The following KRT24 variants were observed in gnomAD, a reference collection of about 807,000 sequenced individuals.
The protein encoded by KRT24 is keratin, type I cytoskeletal 24.
In KRT24, 44 loss-of-function variants were observed where a neutral mutation model predicts 51.7. The ratio of observed to expected loss-of-function variants is 0.85; its 90% confidence interval spans 0.67 to 1.09. KRT24 has a LOEUF of 1.09. KRT24 is among the 50% of genes least tolerant of loss of function. The pLI is 0.00. For synonymous variants in KRT24, 241 were observed against 249.5 expected (o/e 0.97, Z 0.32); for missense variants, 633 against 647.0 (o/e 0.98, Z 0.24).
chr17:40,699,624 G>C lies in KRT24; in HGVS notation c.1181C>G (p.Ala394Gly), dbSNP rs2037651134. 2 of 1,614,184 alleles carry C rather than the reference G, an allele frequency of 1.2e-6. No individual in the cohort carries two copies. The highest frequency in any genetic ancestry group is 1.3e-5 in the African/African-American group (1 of 75,044). Residue 394 changes from alanine (A) to glycine (G), a missense_variant, in exon 6 of 8, where the codon GCT becomes GGT. By Grantham distance (60) the Ala-to-Gly change is moderately conservative. Coordinates refer to ENST00000264651, the MANE Select transcript of KRT24 (RefSeq NM_019016.3). The part of the protein sequence containing the change: ...SLEGTLADTE[A>G]GYVAQLSEIQ... ...TTCTGACAGCTGAGCCACGTAGCCAGCTTCTGTGTCAGCCAGGGTTCCCTC... is the reference window on the plus strand; with the variant it reads ...TTCTGACAGCTGAGCCACGTAGCCACCTTCTGTGTCAGCCAGGGTTCCCTC...
Position 40,698,183 on chromosome 17 carries a change from G to T in KRT24, c.*54C>A. On this transcript the variant is annotated 3_prime_UTR_variant, in exon 8 of 8. Coordinates refer to ENST00000264651, the MANE Select transcript of KRT24 (RefSeq NM_019016.3). Reference sequence around the variant, plus strand: ...AGATTGATGCCATTTCTTCGCTTGTGTCCTTCTTGATTTTTTTTTCTTTGA... The same window carrying T: ...AGATTGATGCCATTTCTTCGCTTGTTTCCTTCTTGATTTTTTTTTCTTTGA... 9.1e-7 allele frequency: 1 copy of T among 1,103,938 alleles called. No homozygotes were observed. The highest frequency in any genetic ancestry group is 1.4e-6 in the Non-Finnish European group (1 of 721,272). 68.4% of individuals were successfully genotyped at this position (1,103,938 alleles called of 1,614,324 possible).
intron 6 of KRT24, 28 bp downstream of exon 6, chr17:40,699,415 AT>A: frequency 3.8e-6 from 6 of 1,577,844 alleles, no homozygotes; most frequent in Non-Finnish European, 5.2e-6. Flanking sequence ...TAAGGTATGC[AT>A]TTTAGTTTGT....
Position 40,698,607 on chromosome 17 carries a change from C to T in KRT24, c.1405G>A (p.Val469Ile), listed in dbSNP as rs2144069630. ...AEFGGRNSGS[V>I]NMGSRDLVSG... ...ACCAGATCCCTGGATCCCATGTTTA[C>T]AGATCCTGAGTTTCTACCACCAAAT... Residue 469 changes from valine to isoleucine, a missense_variant, in exon 7 of 8, where the codon GTA (valine) becomes ATA (isoleucine). Transcript: ENST00000264651. The T allele has an allele frequency of 6.2e-7, 1 of 1,612,508 alleles. No homozygotes were observed. Among genetic ancestry groups the T allele is most frequent in the Non-Finnish European group, 8.5e-7 (1 of 1,178,552 alleles).
In KRT24 at chr17:40,698,541, G is replaced by T; in HGVS notation, c.1471C>A (p.Arg491=). The change falls in exon 7 of 8, where the codon CGA becomes AGA. Residue 491 remains arginine, a synonymous_variant. Coordinates refer to ENST00000264651, the MANE Select transcript of KRT24 (RefSeq NM_019016.3). ...SRSGSCSGQG[R]DSSKTRVTKT... is the part of the protein sequence containing the mutation. ...ATCAATATTAAAAAAAGTCTACCTC[G>T]TCCTTGACCAGAACAGCTTCCAGAT... The T allele has an allele frequency of 6.4e-7, 1 of 1,568,500 alleles. No homozygotes were observed. The highest frequency in any genetic ancestry group is 8.7e-7 in the Non-Finnish European group (1 of 1,145,008).
At position 40,700,225 on chromosome 17, in the gene KRT24, C is replaced by T. The variant is rs764232150; in HGVS notation, c.1014G>A (p.Lys338=). ...GTGCTCAGCAGAGAGGATCTACCTG[C>T]TTGTTGAACCGCTCCTCAGCCTCTC... The part of the protein sequence containing the change: ...NRREAEERFN[K]QSASLQAQIS... Residue 338 remains lysine (K), a synonymous_variant, in exon 4 of 8, where the codon AAG becomes AAA. Coordinates refer to ENST00000264651, the MANE Select transcript of KRT24 (RefSeq NM_019016.3). 1.2e-5 allele frequency: 20 copies of T among 1,613,932 alleles called. No homozygotes were observed. The African/African-American group carries it at 2.0e-4, about 16-fold the overall frequency.
intron 1 of KRT24, 126 bp downstream of exon 1, chr17:40,702,953 C>T: frequency 1.1e-6 from 1 of 908,082 alleles, no homozygotes; most frequent in South Asian, 1.9e-5. Flanking sequence ...ACATCAGGTC[C>T]CACTTTGCAT....
At position 40,698,206 on chromosome 17, in the gene KRT24, TGAAA is replaced by T; in HGVS notation, c.*27_*30del. On this transcript the variant is annotated 3_prime_UTR_variant, in exon 8 of 8. Coordinates refer to ENST00000264651, the MANE Select transcript of KRT24 (RefSeq NM_019016.3). ...GTGTCCTTCTTGATTTTTTTTTCTT[TGAAA>T]GACACTTTTGTTGATCTGGAAGTTC... 3 of 1,361,022 alleles carry T rather than the reference TGAAA, an allele frequency of 2.2e-6. No homozygotes were observed. The highest frequency in any genetic ancestry group is 1.7e-5 in the Admixed American group (1 of 59,136). The allele number at this position is 1,361,022 out of a possible 1,614,324, so 84.3% of individuals were successfully genotyped here. A position where few individuals can be genotyped will look rare whatever the true frequency, so the allele number is the denominator to read the frequency against.
Position 40,703,298 on chromosome 17 carries a change from A to T in KRT24, c.396T>A (p.Asp132Glu). 1.2e-6 allele frequency: 2 copies of T among 1,613,896 alleles called. No homozygotes were observed. Among genetic ancestry groups the T allele is most frequent in the Non-Finnish European group, 1.7e-6 (2 of 1,179,972 alleles). The change falls in exon 1 of 8, where the codon GAT (aspartate) becomes GAA (glutamate). Residue 132 changes from aspartate to glutamate, a missense_variant. Coordinates refer to ENST00000264651, the MANE Select transcript of KRT24 (RefSeq NM_019016.3). ...YGGGMGGGVGDGGLFSGGEKQ... is the reference protein window; with the variant it reads ...YGGGMGGGVGEGGLFSGGEKQ... ...TTTCCCCTCCAGAGAAAAGCCCCCC[A>T]TCGCCAACACCACCTCCCATACCAC...
At chr17:40,701,424 A>C (rs1457718903) in intron 2 of KRT24, 128 bp from the exon 3 acceptor site, 1 of 652,702 alleles carries the variant, frequency 1.5e-6, no homozygotes, top group Non-Finnish European at 2.3e-6. Flanking sequence ...AAGGTTATTA[A>C]GTTTTCTCTT....
chr17:40,701,043 A>C lies in KRT24; in HGVS notation c.855+97T>G, dbSNP rs942201401. 2.4e-6 allele frequency: 3 copies of C among 1,244,672 alleles called. No homozygotes were observed. The South Asian group carries it at 4.2e-5, about 17-fold the overall frequency. The allele number at this position is 1,244,672 out of a possible 1,614,324, so 77.1% of individuals were successfully genotyped here. A position where few individuals can be genotyped will look rare whatever the true frequency, so the allele number is the denominator to read the frequency against. ...CTCCAGAGTAGCTGAGACTAAAGGC[A>C]TGAGCCACTGCACCCAGCCAATTTT... On this transcript the variant is annotated intron_variant, in intron 3 of 7. Coordinates refer to ENST00000264651, the MANE Select transcript of KRT24 (RefSeq NM_019016.3).
rs761298320 is a variant in KRT24, at chr17:40,699,542, A to G, written c.1263T>C (p.Thr421=). ...GCTTGTACTCTGCGTTCTGGCATTT[A>G]GTCTCACCCCAGATCTGGCAGATCT... ...EEEICQIWGE[T]KCQNAEYKQL... is the part of the protein sequence containing the mutation. Residue 421 remains threonine, a synonymous_variant, in exon 6 of 8, where the codon ACT becomes ACC. Coordinates refer to ENST00000264651, the MANE Select transcript of KRT24 (RefSeq NM_019016.3). 2 of 1,613,864 alleles carry G rather than the reference A, an allele frequency of 1.2e-6. No individual in the cohort carries two copies. Among genetic ancestry groups the G allele is most frequent in the South Asian group, 2.2e-5 (2 of 91,080 alleles).
Position 40,698,147 on chromosome 17 carries a change from G to C in KRT24, c.*90C>G. 1.2e-6 allele frequency: 1 copy of C among 814,810 alleles called. No individual in the cohort carries two copies. Among genetic ancestry groups the C allele is most frequent in the South Asian group, 1.5e-5 (1 of 64,592 alleles). The allele number at this position is 814,810 out of a possible 1,614,324, so 50.5% of individuals were successfully genotyped here. The stretch of plus-strand genomic sequence containing the variant: ...CTGAAGCTTTTCCTGAAATTATCCA[G>C]AAAGATGCCTAGATTGATGCCATTT... On this transcript the variant is annotated 3_prime_UTR_variant, in exon 8 of 8. Transcript: ENST00000264651.
Position 40,703,710 on chromosome 17 carries a change from T to C in KRT24, c.-17A>G, listed in dbSNP as rs1377300298. The C allele has an allele frequency of 2.6e-6, 4 of 1,537,546 alleles. No homozygotes were observed. In the Admixed American group the frequency reaches 6.2e-5, roughly 24 times the overall value. On this transcript the variant is annotated 5_prime_UTR_variant, in exon 1 of 8. The change abolishes an upstream ATG in the 5' untranslated region. Transcript: ENST00000264651. ...GCAAGACATGGTGCTCCTGCAAACATGAGCTTGTCCAGGCGAATAGGAGAG... is the reference window on the plus strand; with the variant it reads ...GCAAGACATGGTGCTCCTGCAAACACGAGCTTGTCCAGGCGAATAGGAGAG...
chr17:40,700,073 A>G lies in KRT24; in HGVS notation c.1068T>C (p.Ser356=), dbSNP rs770465291. ...TTAGTTCTGTTATCTCATTCTTGGC[A>G]GAAGTGGCTGCCCCAGCATCAGTGG... is the stretch of plus-strand genomic sequence containing the variant. The part of the protein sequence containing the change: ...QISTDAGAAT[S]AKNEITELKR... Residue 356 remains serine (S), a synonymous_variant, in exon 5 of 8, where the codon TCT becomes TCC. Coordinates refer to ENST00000264651, the MANE Select transcript of KRT24 (RefSeq NM_019016.3). 1.2e-6 allele frequency: 2 copies of G among 1,614,172 alleles called. No individual in the cohort carries two copies. The highest frequency in any genetic ancestry group is 3.3e-5 in the Admixed American group (2 of 60,022).
At position 40,701,880 on chromosome 17, in the gene KRT24, G is replaced by T; in HGVS notation, c.669C>A (p.Ala223=). The change falls in exon 2 of 8, where the codon GCC becomes GCA. Residue 223 remains alanine, a synonymous_variant. Transcript: ENST00000264651. The part of the protein sequence containing the change: ...NAGIILHIDN[A]RLAADDFRLK... ...GTCTGAAGTCATCAGCAGCCAATCTGGCATTGTCAATGTGCAAAATGATCC... is the reference window on the plus strand; with the variant it reads ...GTCTGAAGTCATCAGCAGCCAATCTTGCATTGTCAATGTGCAAAATGATCC... The T allele has an allele frequency of 6.7e-7, 1 of 1,500,472 alleles. No homozygotes were observed. The highest frequency in any genetic ancestry group is 8.9e-7 in the Non-Finnish European group (1 of 1,118,082). The allele number at this position is 1,500,472 out of a possible 1,614,324, so 92.9% of individuals were successfully genotyped here. A position where few individuals can be genotyped will look rare whatever the true frequency, so the allele number is the denominator to read the frequency against.
chr17:40,703,571 C>G lies in KRT24; in HGVS notation c.123G>C (p.Gln41His), dbSNP rs776724642. Reference sequence around the variant, plus strand: ...AGCTGCTGGCTCCTCCTCGGAAGCCCTGGGCCGAGCTGCCCCCCAGACCAC... The same window carrying G: ...AGCTGCTGGCTCCTCCTCGGAAGCCGTGGGCCGAGCTGCCCCCCAGACCAC... ...SRCGLGGSSA[Q>H]GFRGGASSCS... The change falls in exon 1 of 8, where the codon CAG (glutamine) becomes CAC (histidine). Residue 41 changes from glutamine to histidine, a missense_variant. Transcript: ENST00000264651. 1.2e-5 allele frequency: 20 copies of G among 1,612,554 alleles called. No homozygotes were observed. Among genetic ancestry groups the G allele is most frequent in the Non-Finnish European group, 1.7e-5 (20 of 1,179,752 alleles).
intron 3 of KRT24, 152 bp downstream of exon 3, chr17:40,700,988 C>A: frequency 1.5e-6 from 1 of 648,708 alleles, no homozygotes; most frequent in East Asian, 2.9e-5. Context: ...GCCTCCAACT[C>A]CTGGGTTCAA....
At chr17:40,703,015 T>C (rs893248126) in intron 1 of KRT24, 64 bp downstream of exon 1, 5 of 1,487,798 alleles carry the variant, frequency 3.4e-6, no homozygotes, top group African/African-American at 1.4e-5. Flanking sequence ...TTCATTATAG[T>C]ACATGATCTG....
At position 40,700,270 on chromosome 17, in the gene KRT24, C is replaced by T; in HGVS notation, c.969G>A (p.Glu323=). 6.2e-7 allele frequency: 1 copy of T among 1,614,156 alleles called. No individual in the cohort carries two copies. The highest frequency in any genetic ancestry group is 8.5e-7 in the Non-Finnish European group (1 of 1,180,022). Residue 323 remains glutamate (E), a synonymous_variant, in exon 4 of 8, where the codon GAG becomes GAA. Coordinates refer to ENST00000264651, the MANE Select transcript of KRT24 (RefSeq NM_019016.3). ...CCTCTCGGCGGTTTTGCTCAGCCAG[C>T]TCCTCGTACTGCGCCCTCATGTCAT... is the stretch of plus-strand genomic sequence containing the variant. ...LLNDMRAQYE[E]LAEQNRREAE... is the part of the protein sequence containing the mutation.
Sources: allele counts gnomAD v4.1 joint callset, GRCh38; gene constraint gnomAD v4.1.1; transcripts MANE v1.5; gene names NCBI Gene and HGNC (gene_info 2026-07-23, HGNC 2026-07-21).